Variants in PADI6 observed in about 807,000 individuals in gnomAD.
The protein encoded by PADI6 is peptidyl arginine deiminase 6.
PADI6 carries 66 observed loss-of-function variants against 78.2 expected under a neutral mutation model. That is an observed-to-expected ratio of 0.84 (90% CI 0.69 to 1.04). The LOEUF is 1.04. PADI6 is among the 50% of genes least tolerant of loss of function. The probability of loss-of-function intolerance (pLI) is 0.00; values close to 1 mark genes in which losing one functional copy is unlikely to be tolerated. For synonymous variants in PADI6, 397 were observed against 346.9 expected (o/e 1.14, Z -1.60); for missense variants, 854 against 866.1 (o/e 0.99, Z 0.18).
chr1:17,381,857 G>A, intron 5 of PADI6, 110 bp from the exon 6 acceptor site: 1 of 1,291,272 alleles, frequency 7.7e-7, no homozygotes, highest in Non-Finnish European at 1.1e-6. Context: ...AAAGGCAGGG[G>A]GTCCTTGGTG....
chr1:17,391,634 T>G (rs906395365), intron 8 of PADI6, among the ~76,000 whole-genome samples: 3 of 152,102 alleles, frequency 2.0e-5, no homozygotes, highest in African/African-American at 7.2e-5. Flanking sequence ...ACCCCAGGGC[T>G]CAAGACCCAC....
At position 17,384,172 on chromosome 1, in the gene PADI6, G is replaced by C. The variant is rs553572849; in HGVS notation, c.679+2080G>C. Among the ~76,000 whole-genome samples, 30 of 152,152 alleles carry C rather than the reference G, an allele frequency of 2.0e-4. No homozygotes were observed. The South Asian group carries it at 5.2e-3, about 26-fold the overall frequency. ...AAAAAAACTTAAAAATCAGGGTAGG[G>C]CAACACAGCATGTTATGTTTTAACA... On this transcript the variant is annotated intron_variant, in intron 6 of 15. Transcript: ENST00000619609.
At position 17,395,079 on chromosome 1, in the gene PADI6, C is replaced by T. The variant is rs1241427465; in HGVS notation, c.1466C>T (p.Pro489Leu). The change falls in exon 12 of 16, where the codon CCC becomes CTC. Residue 489 changes from proline to leucine, a missense_variant. Transcript: ENST00000619609. ...GHVDEFMCFI[P>L]TDDKNEGKKG... ...GTGGATGAGTTCATGTGCTTCATCC[C>T]CACAGATGACAAGAATGAGGGCAAA... The T allele has an allele frequency of 6.2e-7, 1 of 1,613,802 alleles. No homozygotes were observed. The highest frequency in any genetic ancestry group is 8.5e-7 in the Non-Finnish European group (1 of 1,179,876).
chr1:17,375,599 C>T (rs890554666), intron 3 of PADI6, 100 bp downstream of exon 3: 2 of 1,060,572 alleles, frequency 1.9e-6, no homozygotes, highest in African/African-American at 3.2e-5. Flanking sequence ...CTCCAGGTAA[C>T]AAGATGCCTC....
intron 13 of PADI6, 38 bp downstream of exon 13, chr1:17,395,701 C>T (rs760614961): frequency 3.2e-6 from 5 of 1,572,560 alleles, no homozygotes; most frequent in Non-Finnish European, 3.5e-6. Context: ...GAACTGGGGT[C>T]TTCCTTTTTC....
chr1:17,388,929 C>T (rs1023464523), intron 8 of PADI6, 49 bp downstream of exon 8: 7 of 1,457,174 alleles, frequency 4.8e-6, no homozygotes, highest in Non-Finnish European at 6.7e-6. Context: ...ATAACTGGCA[C>T]CCTCTTCTTT....
intron 12 of PADI6, 124 bp downstream of exon 12, chr1:17,395,231 T>C: frequency 7.8e-7 from 1 of 1,279,558 alleles, no homozygotes; most frequent in Non-Finnish European, 1.1e-6. Flanking sequence ...TTTTTGAGAG[T>C]CTTGCTCTGT....
intron 3 of PADI6, 86 bp from the exon 4 acceptor site, chr1:17,379,834 G>A (rs993488121): frequency 2.2e-5 from 26 of 1,203,698 alleles, no homozygotes; most frequent in Non-Finnish European, 2.9e-5. Context: ...TGCCAGCCTT[G>A]GGCAGCCCCA....
rs1212450373 is a variant in PADI6, at chr1:17,395,113, C to A, written c.1494+6C>A. The A allele has an allele frequency of 6.2e-7, 1 of 1,612,532 alleles. No individual in the cohort carries two copies. Among genetic ancestry groups the A allele is most frequent in the Non-Finnish European group, 8.5e-7 (1 of 1,179,012 alleles). On this transcript the variant is annotated splice_donor_region_variant and intron_variant, in intron 12 of 15. Transcript: ENST00000619609. ...ACAAGAATGAGGGCAAAAAGGTCTGCTTTGGGGTCTGGAGAAGGGACATCT... is the reference window on the plus strand; with the variant it reads ...ACAAGAATGAGGGCAAAAAGGTCTGATTTGGGGTCTGGAGAAGGGACATCT...
chr1:17,379,116 T>TGTA (rs1484086639), intron 3 of PADI6, among the ~76,000 whole-genome samples: 2 of 131,036 alleles, frequency 1.5e-5, no homozygotes, highest in African/African-American at 7.2e-5. Context: ...AGTTAATTTT[T>TGTA]TTTTTTTTTT....
rs371799970 is a variant in PADI6 at position 17,372,305 on chromosome 1, C to T, written c.60C>T (p.Asp20=). The T allele has an allele frequency of 1.5e-5, 24 of 1,613,872 alleles. 1 individual carries two copies. The South Asian group carries it at 2.5e-4, about 17-fold the overall frequency. Reference sequence around the variant, plus strand: ...AGAGTATCATCCACCTGTCCCTGGACAGCCCTGTCCATGCCGTTTGTGTGT... The same window carrying T: ...AGAGTATCATCCACCTGTCCCTGGATAGCCCTGTCCATGCCGTTTGTGTGT... ...SFQSIIHLSL[D]SPVHAVCVLG... The change falls in exon 1 of 16, where the codon GAC becomes GAT. Residue 20 remains aspartate (D), a synonymous_variant. Coordinates refer to ENST00000619609, the MANE Select transcript of PADI6 (RefSeq NM_207421.4).
chr1:17,389,753 G>A (rs1254881270), intron 8 of PADI6, among the ~76,000 whole-genome samples: 2 of 152,182 alleles, frequency 1.3e-5, no homozygotes, highest in Admixed American at 6.5e-5. Flanking sequence ...GGAAAGTCAG[G>A]TACAGATAAA....
intron 7 of PADI6, 109 bp downstream of exon 7, chr1:17,388,668 G>A: frequency 6.9e-7 from 1 of 1,454,254 alleles, no homozygotes; most frequent in Non-Finnish European, 9.4e-7. Flanking sequence ...AGCTGCAGAA[G>A]GCAAGTGGGG....
intron 4 of PADI6, 135 bp downstream of exon 4, chr1:17,380,122 A>T: frequency 1.3e-6 from 1 of 777,184 alleles, no homozygotes; most frequent in Non-Finnish European, 2.1e-6. Flanking sequence ...CGTGGAGGGG[A>T]GGGGTAAACC....
intron 6 of PADI6, among the ~76,000 whole-genome samples, chr1:17,386,401 C>T (rs142682978): frequency 6.6e-5 from 10 of 152,350 alleles, no homozygotes; most frequent in African/African-American, 1.2e-4. Flanking sequence ...GTGACCCTCT[C>T]GCCCTCACTG....
rs777811046 is a variant in PADI6 at position 17,398,816 on chromosome 1, G to C, written c.1820G>C (p.Arg607Thr). The change falls in exon 15 of 16, where the codon AGG (arginine) becomes ACG (threonine). Residue 607 changes from arginine (R) to threonine (T), a missense_variant. Transcript: ENST00000619609. ...TNIPSDQQPKRSFARPYFPDL... is the reference protein window; with the variant it reads ...TNIPSDQQPKTSFARPYFPDL... ...ATCCCCTCTGACCAGCAGCCCAAGAGGTCCTTTGCGAGGCCATACTTCCCT... is the reference window on the plus strand; with the variant it reads ...ATCCCCTCTGACCAGCAGCCCAAGACGTCCTTTGCGAGGCCATACTTCCCT... 1 of 1,613,520 alleles carries C rather than the reference G, an allele frequency of 6.2e-7. No homozygotes were observed. The highest frequency in any genetic ancestry group is 2.2e-5 in the East Asian group (1 of 44,824).
Position 17,392,122 on chromosome 1 carries a change from A to C in PADI6, c.971A>C (p.Gln324Pro). The stretch of plus-strand genomic sequence containing the variant: ...CTTCTCTCCCATGGCAGGGAGCTGC[A>C]GCTGCAGGGTTTTGTGGACACAGTG... Reference protein sequence around the residue: ...PLEVYLCRELQLQGFVDTVTK... With the variant: ...PLEVYLCRELPLQGFVDTVTK... Residue 324 changes from glutamine (Q) to proline (P), a missense_variant, in exon 9 of 16, where the codon CAG becomes CCG. Gln to Pro is a moderately conservative substitution (Grantham distance 76). Coordinates refer to ENST00000619609, the MANE Select transcript of PADI6 (RefSeq NM_207421.4). The C allele has an allele frequency of 6.4e-7, 1 of 1,556,442 alleles. No individual in the cohort carries two copies. Among genetic ancestry groups the C allele is most frequent in the Non-Finnish European group, 8.7e-7 (1 of 1,149,866 alleles).
intron 15 of PADI6, among the ~76,000 whole-genome samples, chr1:17,399,657 C>G (rs1167056646): frequency 2.0e-5 from 3 of 150,840 alleles, no homozygotes; most frequent in Non-Finnish European, 2.9e-5. Context: ...CGTTGGGAGG[C>G]TGAGGTGGGA....
chr1:17,381,639 A>G (rs2075073982), intron 5 of PADI6, among the ~76,000 whole-genome samples: 1 of 152,182 alleles, frequency 6.6e-6, no homozygotes, highest in Admixed American at 6.5e-5. Flanking sequence ...AGTAGAATGG[A>G]ATGTCTTGTT....
Sources: allele counts gnomAD v4.1 joint callset (sites outside exome capture counted in the v4.1 genomes callset), GRCh38; gene constraint gnomAD v4.1.1; transcripts MANE v1.5; gene names NCBI Gene and HGNC (gene_info 2026-07-23, HGNC 2026-07-21).